SACM1L: variants seen among roughly 807,000 people sequenced by gnomAD.
SACM1L encodes the protein phosphatidylinositol-3-phosphatase SAC1.
In SACM1L, 32 loss-of-function variants were observed where a neutral mutation model predicts 89.5. The observed-to-expected ratio is 0.36, with a 90% CI of 0.27 to 0.48. The LOEUF (loss-of-function observed/expected upper bound fraction) is 0.48, where lower values mean the gene tolerates loss of function less well. SACM1L is among the 20% of genes least tolerant of loss of function. SACM1L has a pLI of 0.99. For missense variants in SACM1L, 543 were observed against 708.5 expected (o/e 0.77, Z 2.65); for synonymous variants, 213 against 232.8 (o/e 0.92, Z 0.77).
rs572080405 is a variant in SACM1L, at chr3:45,692,602, G to A, written c.32+3105G>A. On this transcript the variant is annotated intron_variant, in intron 1 of 19. Coordinates refer to ENST00000389061, the MANE Select transcript of SACM1L (RefSeq NM_014016.5). ...TGGAATTACTGGCATGAGCCACCATGCCTGGCCCAAAGAGAGTTTAGATGA... is the reference window on the plus strand; with the variant it reads ...TGGAATTACTGGCATGAGCCACCATACCTGGCCCAAAGAGAGTTTAGATGA... Among the ~76,000 whole-genome samples, 3 of 152,334 alleles carry A rather than the reference G, an allele frequency of 2.0e-5. No individual in the cohort carries two copies. In the East Asian group the frequency reaches 5.8e-4, roughly 29 times the overall value.
chr3:45,707,081 A>C, intron 4 of SACM1L, 174 bp downstream of exon 4: 1 of 504,034 alleles, frequency 2.0e-6, no homozygotes, highest in East Asian at 3.7e-5. Context: ...TTTTTAAATC[A>C]TTTGTTGCTC....
intron 19 of SACM1L, among the ~76,000 whole-genome samples, chr3:45,741,018 A>T (rs529781018): frequency 3.3e-5 from 5 of 152,370 alleles, no homozygotes; most frequent in African/African-American, 1.2e-4. Context: ...TAAAGTGAGA[A>T]GAATGTATTC....
intron 1 of SACM1L, among the ~76,000 whole-genome samples, chr3:45,694,222 G>C (rs1251193852): frequency 1.3e-5 from 2 of 151,980 alleles, no homozygotes; most frequent in Non-Finnish European, 2.9e-5. Context: ...TAGGTGTAAG[G>C]CAGGGAATCC....
rs78034449 is a variant in SACM1L at position 45,724,479 on chromosome 3, C to T, written c.921+936C>T. Among the ~76,000 whole-genome samples the T allele has an allele frequency of 5.0e-3, 765 of 152,200 alleles. 9 individuals carry two copies. Among genetic ancestry groups the T allele is most frequent in the African/African-American group, 0.017 (704 of 41,530 alleles). ...GGAGAAATGTCTATGTAAATCCTTT[C>T]GCTATTTTTAATCAGGTTGTTTTTT... is the stretch of plus-strand genomic sequence containing the variant. On this transcript the variant is annotated intron_variant, in intron 11 of 19. Transcript: ENST00000389061.
intron 4 of SACM1L, among the ~76,000 whole-genome samples, chr3:45,708,115 T>C (rs1698442187): frequency 6.6e-6 from 1 of 152,132 alleles, no homozygotes; most frequent in Non-Finnish European, 1.5e-5. Flanking sequence ...TTTTTAAAGG[T>C]CATGAAACAG....
In SACM1L at chr3:45,737,651, T is replaced by C. The variant is rs1699231412; in HGVS notation, c.1308T>C (p.Asn436=). 2 of 1,590,762 alleles carry C rather than the reference T, an allele frequency of 1.3e-6. No individual in the cohort carries two copies. The highest frequency in any genetic ancestry group is 8.5e-7 in the Non-Finnish European group (1 of 1,173,082). Residue 436 remains asparagine, a splice_region_variant and synonymous_variant, in exon 15 of 20, where the codon AAT becomes AAC. Transcript: ENST00000389061. ...ATGAATTTGAGAAGATTTACAAAAA[T>C]GGTAGGTCATTTCTTTAATATAGAC... ...EQDEFEKIYK[N]AWADNANACA...
rs367909622 is a variant in SACM1L at position 45,737,579 on chromosome 3, C to T, written c.1240-4C>T. 34 of 1,591,526 alleles carry T rather than the reference C, an allele frequency of 2.1e-5. No individual in the cohort carries two copies. In the African/African-American group the frequency reaches 4.1e-4, roughly 19 times the overall value. On this transcript the variant is annotated splice_polypyrimidine_tract_variant and splice_region_variant and intron_variant, in intron 14 of 19. Transcript: ENST00000389061. ...ATAAATCTGGGTGTGGTTTTTTATT[C>T]CAGAGACTAGGAGTTTTGCATGTGG...
intron 19 of SACM1L, chr3:45,742,580 G>T (rs1699338461): frequency 6.6e-6 from 1 of 152,238 alleles, no homozygotes; most frequent in Non-Finnish European, 1.5e-5. Flanking sequence ...GTAGATCTTT[G>T]CCCACCGGCT....
At chr3:45,730,370 T>G (rs1553655024) in intron 11 of SACM1L, among the ~76,000 whole-genome samples, 3 of 152,118 alleles carry the variant, frequency 2.0e-5, no homozygotes, top group Non-Finnish European at 4.4e-5. Context: ...TTTTGAGACT[T>G]TTCCAAACTA....
chr3:45,709,549 G>C lies in SACM1L; in HGVS notation c.385G>C (p.Asp129His). 6.2e-7 allele frequency: 1 copy of C among 1,613,694 alleles called. No individual in the cohort carries two copies. The highest frequency in any genetic ancestry group is 8.5e-7 in the Non-Finnish European group (1 of 1,179,774). Residue 129 changes from aspartate (D) to histidine (H), a missense_variant, in exon 5 of 20, where the codon GAT becomes CAT. By Grantham distance (81) the Asp-to-His change is moderately conservative. Transcript: ENST00000389061. The part of the protein sequence containing the change: ...LAMLNHVLNV[D>H]GFYFSTTYDL... ...GATGCTAAACCATGTCTTGAATGTG[G>C]ATGGATTTTACTTTTCAACAACATA...
intron 12 of SACM1L, among the ~76,000 whole-genome samples, 193 bp from the exon 13 acceptor site, chr3:45,731,860 A>G (rs961996233): frequency 2.6e-5 from 4 of 152,194 alleles, no homozygotes; most frequent in African/African-American, 7.2e-5. Flanking sequence ...TCTGCTAGGT[A>G]TGAGCATGAG....
At chr3:45,692,259 A>G (rs1698012097) in intron 1 of SACM1L, among the ~76,000 whole-genome samples, 2 of 151,930 alleles carry the variant, frequency 1.3e-5, no homozygotes, top group African/African-American at 4.8e-5. Context: ...TTGGTGTTTC[A>G]GTCTGTAAAA....
chr3:45,720,020 G>T (rs1260699653), intron 8 of SACM1L, among the ~76,000 whole-genome samples: 1 of 152,106 alleles, frequency 6.6e-6, no homozygotes, highest in Non-Finnish European at 1.5e-5. Context: ...TCTAGGCTTT[G>T]TACTAGCAAC....
intron 14 of SACM1L, 165 bp from the exon 15 acceptor site, chr3:45,737,418 G>A: frequency 1.5e-6 from 1 of 681,962 alleles, no homozygotes; most frequent in Non-Finnish European, 2.6e-6. Flanking sequence ...GCCCTGGGCA[G>A]GAGAGGGCTG....
At chr3:45,702,955 C>G (rs1698309029) in intron 1 of SACM1L, among the ~76,000 whole-genome samples, 1 of 152,092 alleles carries the variant, frequency 6.6e-6, no homozygotes, top group South Asian at 2.1e-4. Flanking sequence ...TAGCTAATAC[C>G]TCTTGCTTAC....
Position 45,713,109 on chromosome 3 carries a change from T to C in SACM1L, c.484-28T>C, listed in dbSNP as rs776899729. The C allele has an allele frequency of 2.5e-6, 4 of 1,577,164 alleles. No individual in the cohort carries two copies. In the South Asian group the frequency reaches 3.4e-5, roughly 13 times the overall value. On this transcript the variant is annotated intron_variant, in intron 5 of 19. Coordinates refer to ENST00000389061, the MANE Select transcript of SACM1L (RefSeq NM_014016.5). ...TAGAAAGTAAGCTTGGCAGGAGATATTTTATTAAATTTTAAAACTTCTCTC... is the reference window on the plus strand; with the variant it reads ...TAGAAAGTAAGCTTGGCAGGAGATACTTTATTAAATTTTAAAACTTCTCTC...
intron 1 of SACM1L, 67 bp from the exon 2 acceptor site, chr3:45,703,371 A>T (rs1368747018): frequency 9.6e-7 from 1 of 1,037,982 alleles, no homozygotes; most frequent in Non-Finnish European, 1.5e-6. Context: ...TAATTGTCAT[A>T]ATAAGTAGTT....
intron 11 of SACM1L, 147 bp from the exon 12 acceptor site, chr3:45,731,154 C>A: frequency 2.1e-6 from 1 of 482,996 alleles, no homozygotes; most frequent in Non-Finnish European, 3.8e-6. Context: ...AGAGCTCCTA[C>A]AAAGTTGGCT....
At chr3:45,699,289 AAAT>A (rs1247104277) in intron 1 of SACM1L, among the ~76,000 whole-genome samples, 27 of 150,964 alleles carry the variant, frequency 1.8e-4, no homozygotes, top group African/African-American at 4.1e-4. Context: ...TAATTAAAAT[AAAT>A]AAATAAATAA....
Sources: gnomAD v4.1 joint callset for allele counts (sites outside exome capture counted in the v4.1 genomes callset) on GRCh38, gnomAD v4.1.1 for gene constraint, MANE v1.5 for transcripts, NCBI Gene and HGNC (gene_info 2026-07-23, HGNC 2026-07-21) for gene names.